HCN1: variants seen among roughly 807,000 people sequenced by gnomAD.
HCN1 encodes hyperpolarization activated cyclic nucleotide gated potassium channel 1.
HCN1 carries 13 observed loss-of-function variants against 78.9 expected under a neutral mutation model. That is an observed-to-expected ratio of 0.16 (90% CI 0.11 to 0.26). The LOEUF (loss-of-function observed/expected upper bound fraction) is 0.26, where lower values mean the gene tolerates loss of function less well. HCN1 is among the 10% of genes least tolerant of loss of function. The pLI, the probability that HCN1 is intolerant of heterozygous loss-of-function variation, is 1.00. For synonymous variants in HCN1, 552 were observed against 455.5 expected, an observed-to-expected ratio of 1.21 and a Z score of -2.70; for missense variants, 810 against 1,154.3, an observed-to-expected ratio of 0.70 and a Z score of 4.32.
chr5:45,328,425 G>A (rs886119317), intron 5 of HCN1, among the ~76,000 whole-genome samples: 2 of 151,500 alleles, frequency 1.3e-5, no homozygotes, highest in Non-Finnish European at 3.0e-5. Context: ...CATCACTACT[G>A]ATGTGCTTTG....
At chr5:45,623,849 G>C (rs1360967674) in intron 2 of HCN1, among the ~76,000 whole-genome samples, 1 of 152,166 alleles carries the variant, frequency 6.6e-6, no homozygotes, top group Non-Finnish European at 1.5e-5. Flanking sequence ...GATGAGTAAT[G>C]ATGAAGAGAG....
intron 6 of HCN1, among the ~76,000 whole-genome samples, chr5:45,281,048 C>T (rs1455459099): frequency 6.6e-6 from 1 of 151,472 alleles, no homozygotes; most frequent in East Asian, 1.9e-4. Context: ...ATAAAATTTA[C>T]ATTACTGTTA....
At chr5:45,375,174 A>G (rs1393497356) in intron 4 of HCN1, among the ~76,000 whole-genome samples, 1 of 121,114 alleles carries the variant, frequency 8.3e-6, no homozygotes, top group African/African-American at 3.2e-5. Context: ...ATATTTTATA[A>G]TATATAATGT....
chr5:45,538,364 G>T (rs1304260013), intron 2 of HCN1, among the ~76,000 whole-genome samples: 2 of 152,094 alleles, frequency 1.3e-5, no homozygotes, highest in Non-Finnish European at 2.9e-5. Flanking sequence ...ATAATAATAA[G>T]AAGCATGTAT....
chr5:45,613,836 T>C (rs1744890234), intron 2 of HCN1, among the ~76,000 whole-genome samples: 1 of 152,158 alleles, frequency 6.6e-6, no homozygotes, highest in Admixed American at 6.6e-5. Flanking sequence ...TCAATAGTCA[T>C]CACCAAATTA....
chr5:45,469,547 ATGATGTTTGTCTGAAGATTATT>A lies in HCN1; in HGVS notation c.850-7562_850-7541del, dbSNP rs1741345105. 2.0e-5 allele frequency among the ~76,000 whole-genome samples: 3 copies of A among 152,064 alleles called. No individual in the cohort carries two copies. In the South Asian group the frequency reaches 6.2e-4, roughly 32 times the overall value. ...TGATGGATCTTTGAACCTCATTTTA[ATGATGTTTGTCTGAAGATTATT>A]TGATGTTTACTATACACACTTAATT... On this transcript the variant is annotated intron_variant, in intron 2 of 7. Coordinates refer to ENST00000303230, the MANE Select transcript of HCN1 (RefSeq NM_021072.4).
At chr5:45,619,249 G>A in intron 2 of HCN1, among the ~76,000 whole-genome samples, 1 of 151,982 alleles carries the variant, frequency 6.6e-6, no homozygotes, top group Non-Finnish European at 1.5e-5. Context: ...TAGAAGCAGT[G>A]CCACTTCTAT....
intron 2 of HCN1, among the ~76,000 whole-genome samples, chr5:45,580,616 C>T (rs1400546713): frequency 6.6e-6 from 1 of 151,874 alleles, no homozygotes; most frequent in Non-Finnish European, 1.5e-5. Flanking sequence ...TATACATGTG[C>T]CATGTAGGTG....
chr5:45,415,355 C>T (rs997543282), intron 3 of HCN1, among the ~76,000 whole-genome samples: 1 of 151,988 alleles, frequency 6.6e-6, no homozygotes, highest in Non-Finnish European at 1.5e-5. Context: ...AAAGTTTCCT[C>T]ATAGCTTCAA....
intron 3 of HCN1, among the ~76,000 whole-genome samples, chr5:45,432,839 G>A (rs1740489814): frequency 6.6e-6 from 1 of 152,046 alleles, no homozygotes; most frequent in Admixed American, 6.6e-5. Context: ...AATTTATAAA[G>A]AAAAAGAGGT....
At chr5:45,311,749 G>A (rs1362297057) in intron 5 of HCN1, among the ~76,000 whole-genome samples, 1 of 152,198 alleles carries the variant, frequency 6.6e-6, no homozygotes, top group African/African-American at 2.4e-5. Flanking sequence ...AAATGCATGA[G>A]ACCTGCAGCT....
Position 45,262,416 on chromosome 5 carries a change from C to G in HCN1, c.2178G>C (p.Gln726His). ...GCGGCTGCTGTTGCATGAGTGACAGCTGGGAGGCGGTGGGGGAGGCATAGT... is the reference window on the plus strand; with the variant it reads ...GCGGCTGCTGTTGCATGAGTGACAGGTGGGAGGCGGTGGGGGAGGCATAGT... ...TFHYASPTAS[Q>H]LSLMQQQPQQ... Residue 726 changes from glutamine to histidine, a missense_variant, in exon 8 of 8, where the codon CAG (glutamine) becomes CAC (histidine). Around this residue, in one of 6 missense-constraint regions of HCN1, gnomAD observed 398 missense variants for 381.3 expected, o/e 1.04. Coordinates refer to ENST00000303230, the MANE Select transcript of HCN1 (RefSeq NM_021072.4). The G allele has an allele frequency of 1.9e-6, 3 of 1,611,408 alleles. No homozygotes were observed. The highest frequency in any genetic ancestry group is 8.5e-7 in the Non-Finnish European group (1 of 1,179,672).
chr5:45,382,296 G>A (rs1364568634), intron 4 of HCN1, among the ~76,000 whole-genome samples: 1 of 152,066 alleles, frequency 6.6e-6, no homozygotes, highest in Admixed American at 6.6e-5. Flanking sequence ...GTATGTTTTA[G>A]TATTTACTAC....
chr5:45,373,948 A>G (rs908677926), intron 4 of HCN1, among the ~76,000 whole-genome samples: 1 of 112,412 alleles, frequency 8.9e-6, no homozygotes, highest in Non-Finnish European at 1.8e-5. Context: ...TACGGTATAT[A>G]CATCATATAT....
intron 2 of HCN1, among the ~76,000 whole-genome samples, chr5:45,535,287 T>C (rs1742941812): frequency 6.6e-6 from 1 of 152,242 alleles, no homozygotes; most frequent in African/African-American, 2.4e-5. Context: ...GATGATATCT[T>C]CTCAAATGAG....
chr5:45,383,529 TACTAAAACTACAA>T (rs1253556062), intron 4 of HCN1, among the ~76,000 whole-genome samples: 1 of 152,080 alleles, frequency 6.6e-6, no homozygotes, highest in Non-Finnish European at 1.5e-5. Flanking sequence ...ATCCCATCTC[TACTAAAACTACAA>T]AAATTAGCCA....
chr5:45,302,956 C>G (rs965555164), intron 6 of HCN1, among the ~76,000 whole-genome samples: 1 of 152,054 alleles, frequency 6.6e-6, no homozygotes, highest in African/African-American at 2.4e-5. Context: ...CCAATTAAAC[C>G]TCTTTTTTTC....
In HCN1 at chr5:45,370,023, T is replaced by TA. The variant is rs371902866; in HGVS notation, c.1231-16778dup. On this transcript the variant is annotated intron_variant, in intron 4 of 7. Transcript: ENST00000303230. ...AATTGTACTTCCACTGGGGTTGAAA[T>TA]AAAAAAAAAACCTCTCAGTTAATTT... is the stretch of plus-strand genomic sequence containing the variant. 1.4e-3 allele frequency among the ~76,000 whole-genome samples: 212 copies of TA among 147,292 alleles called. 2 individuals carry two copies. Among genetic ancestry groups the TA allele is most frequent in the Non-Finnish European group, 2.2e-3 (145 of 66,386 alleles).
At chr5:45,267,313 T>C in intron 6 of HCN1, 60 bp from the exon 7 acceptor site, 1 of 1,498,772 alleles carries the variant, frequency 6.7e-7, no homozygotes, top group Non-Finnish European at 9.3e-7. Context: ...TAAAAGCCAT[T>C]AAGGCTTCCC....
Sources: gnomAD v4.1 joint callset for allele counts (sites outside exome capture counted in the v4.1 genomes callset) on GRCh38, gnomAD v4.1.1 for gene constraint, gnomAD v4.1.1 regional missense constraint, MANE v1.5 for transcripts, NCBI Gene and HGNC (gene_info 2026-07-23, HGNC 2026-07-21) for gene names.